ZDHHC11: variants seen among roughly 807,000 people sequenced by gnomAD.
The protein encoded by ZDHHC11 is zDHHC palmitoyltransferase 11.
Under a neutral mutation model 51.3 loss-of-function variants are expected in ZDHHC11, and 44 were observed. That is an observed-to-expected ratio of 0.86 (90% CI 0.67 to 1.10). The LOEUF (loss-of-function observed/expected upper bound fraction) is 1.10, where lower values mean the gene tolerates loss of function less well. ZDHHC11 is among the 50% of genes least tolerant of loss of function. The pLI is 0.00. For synonymous variants in ZDHHC11, 163 were observed against 222.0 expected (o/e 0.73, Z 2.36); for missense variants, 400 against 537.7 (o/e 0.74, Z 2.53).
intron 10 of ZDHHC11, among the ~76,000 whole-genome samples, chr5:816,186 A>G (rs2150321603): frequency 7.0e-6 from 1 of 142,226 alleles, no homozygotes; most frequent in South Asian, 2.2e-4. Flanking sequence ...TTATATTTTC[A>G]TTCTCTTAAT....
Position 828,826 on chromosome 5 carries a change from T to C in ZDHHC11, c.936-3575A>G, listed in dbSNP as rs1259253211. On this transcript the variant is annotated intron_variant, in intron 7 of 12. Transcript: ENST00000283441. ...TCTTTTCAGACCACAGGGGAATAAA[T>C]TGATAATTAACTCCAAAAGGAACCC... Among the ~76,000 whole-genome samples, 16 of 140,548 alleles carry C rather than the reference T, an allele frequency of 1.1e-4. 1 individual carries two copies. The highest frequency in any genetic ancestry group is 1.6e-4 in the African/African-American group (6 of 37,222). The allele number at this position is 140,548 out of a possible 152,430, so 92.2% of individuals were successfully genotyped here.
chr5:859,609 G>A (rs186070831), upstream of ZDHHC11, among the ~76,000 whole-genome samples: 4 of 152,294 alleles, frequency 2.6e-5, no homozygotes, highest in East Asian at 3.9e-4. Flanking sequence ...ACTTCAGCAC[G>A]TGTTTTCGTA....
At chr5:819,336 G>C (rs1278341203) in intron 10 of ZDHHC11, among the ~76,000 whole-genome samples, 189 bp downstream of exon 10, 6 of 151,532 alleles carry the variant, frequency 4.0e-5, no homozygotes, top group African/African-American at 7.3e-5. Flanking sequence ...CCACAGCTGG[G>C]AAGCATTCCT....
intron 7 of ZDHHC11, among the ~76,000 whole-genome samples, chr5:830,255 C>T (rs1742896268): frequency 1.6e-5 from 1 of 63,876 alleles, no homozygotes; most frequent in Admixed American, 1.8e-4. Context: ...ATCCAGAAAG[C>T]TTCTAAATCT....
chr5:841,819 A>G (rs1745023667), intron 4 of ZDHHC11: 3 of 994,710 alleles, frequency 3.0e-6, no homozygotes, highest in Non-Finnish European at 3.6e-6. Flanking sequence ...GGCAAGGCAG[A>G]ATGGCAGAGG....
chr5:849,174 A>G (rs972635891), intron 1 of ZDHHC11, among the ~76,000 whole-genome samples: 1 of 152,130 alleles, frequency 6.6e-6, no homozygotes. Context: ...TTGGCCCTGC[A>G]TACACAGCCC....
At chr5:837,982 C>T (rs568708924) in intron 5 of ZDHHC11, among the ~76,000 whole-genome samples, 3 of 152,058 alleles carry the variant, frequency 2.0e-5, no homozygotes, top group South Asian at 2.1e-4. Flanking sequence ...ACCCCACAGT[C>T]GGAGGACCAC....
intron 11 of ZDHHC11, among the ~76,000 whole-genome samples, chr5:808,550 T>C (rs1739613441): frequency 6.7e-6 from 1 of 150,056 alleles, no homozygotes; most frequent in East Asian, 1.9e-4. Flanking sequence ...TATTTATTTA[T>C]TTTGAGACGT....
chr5:841,362 C>T (rs1467769121), intron 4 of ZDHHC11: 2 of 917,734 alleles, frequency 2.2e-6, no homozygotes, highest in African/African-American at 2.5e-5. Context: ...CCACCCCTTC[C>T]TCACTAAGTG....
chr5:856,961 C>T (rs934756398), intron 1 of ZDHHC11, among the ~76,000 whole-genome samples: 1 of 150,996 alleles, frequency 6.6e-6, no homozygotes, highest in African/African-American at 2.4e-5. Context: ...GCACTACACA[C>T]CGCATACCAC....
intron 11 of ZDHHC11, among the ~76,000 whole-genome samples, chr5:802,758 G>A (rs181861629): frequency 7.1e-6 from 1 of 140,728 alleles, no homozygotes; most frequent in Admixed American, 7.4e-5. Flanking sequence ...TGGATCACGA[G>A]GTCAGGAGAT....
At chr5:802,872 A>AAAAAAAAC (rs1561228390) in intron 11 of ZDHHC11, among the ~76,000 whole-genome samples, 1 of 110,648 alleles carries the variant, frequency 9.0e-6, no homozygotes, top group African/African-American at 3.5e-5. Flanking sequence ...AAAAAAAAAA[A>AAAAAAAAC]AAGCTAAATG....
chr5:821,782 C>T, intron 9 of ZDHHC11, 79 bp downstream of exon 9: 1 of 1,373,254 alleles, frequency 7.3e-7, no homozygotes, highest in Non-Finnish European at 1.0e-6. Flanking sequence ...GACATATTTT[C>T]CTAAGTAATT....
chr5:819,348 C>T (rs1433286248), intron 10 of ZDHHC11, among the ~76,000 whole-genome samples, 177 bp downstream of exon 10: 1 of 151,554 alleles, frequency 6.6e-6, no homozygotes, highest in Non-Finnish European at 1.5e-5. Flanking sequence ...AGCATTCCTG[C>T]CTCTCACTCC....
chr5:837,835 G>T (rs1267030174), intron 5 of ZDHHC11, among the ~76,000 whole-genome samples: 1 of 151,984 alleles, frequency 6.6e-6, no homozygotes, highest in Admixed American at 6.6e-5. Flanking sequence ...TTGAGAGGTT[G>T]CTCCAGATCC....
At chr5:813,420 A>AG (rs1740349957) in intron 11 of ZDHHC11, among the ~76,000 whole-genome samples, 1 of 142,496 alleles carries the variant, frequency 7.0e-6, no homozygotes, top group Non-Finnish European at 1.5e-5. Context: ...CTCATCTGTG[A>AG]GGGGGAGACC....
chr5:856,986 CCACA>C (rs1466856130), intron 1 of ZDHHC11, among the ~76,000 whole-genome samples: 1 of 151,072 alleles, frequency 6.6e-6, no homozygotes, highest in Non-Finnish European at 1.5e-5. Flanking sequence ...AGCACACAAA[CCACA>C]CACACCACAT....
chr5:802,542 A>G (rs1407830177), intron 11 of ZDHHC11, among the ~76,000 whole-genome samples: 1 of 150,810 alleles, frequency 6.6e-6, no homozygotes, highest in Non-Finnish European at 1.5e-5. Flanking sequence ...AGTTTACCTA[A>G]AGACAAAATG....
At position 837,348 on chromosome 5, in the gene ZDHHC11, A is replaced by G. The variant is rs751109440; in HGVS notation, c.900+17T>C. The G allele has an allele frequency of 1.2e-6, 2 of 1,613,508 alleles. No homozygotes were observed. ...TGTCCCAGGCCTGGAGAAATGGAGCAGAGAGACAGGTGGTACCTGGAGAAC... is the reference window on the plus strand; with the variant it reads ...TGTCCCAGGCCTGGAGAAATGGAGCGGAGAGACAGGTGGTACCTGGAGAAC... On this transcript the variant is annotated intron_variant, in intron 6 of 12. Coordinates refer to ENST00000283441, the MANE Select transcript of ZDHHC11 (RefSeq NM_024786.3).
Sources: gnomAD v4.1 joint callset for allele counts (sites outside exome capture counted in the v4.1 genomes callset) on GRCh38, gnomAD v4.1.1 for gene constraint, MANE v1.5 for transcripts, NCBI Gene and HGNC (gene_info 2026-07-23, HGNC 2026-07-21) for gene names.